ZMAT4: variants seen among roughly 807,000 people sequenced by gnomAD.
The protein encoded by ZMAT4 is zinc finger matrin-type protein 4.
Under a neutral mutation model 28.7 loss-of-function variants are expected in ZMAT4, and 17 were observed. That is an observed-to-expected ratio of 0.59 (90% CI 0.41 to 0.89). The LOEUF (loss-of-function observed/expected upper bound fraction) is 0.89. ZMAT4 is among the 40% of genes least tolerant of loss of function. The pLI, the probability that ZMAT4 is intolerant of heterozygous loss-of-function variation, is 0.00. For missense variants in ZMAT4, 240 were observed against 283.8 expected (o/e 0.85, Z 1.11); for synonymous variants, 117 against 109.2 (o/e 1.07, Z -0.44).
Position 40,747,134 on chromosome 8 carries a change from A to G in ZMAT4, c.192+20507T>C, listed in dbSNP as rs572341845. Among the ~76,000 whole-genome samples the G allele has an allele frequency of 3.3e-5, 5 of 152,346 alleles. No individual in the cohort carries two copies. In the East Asian group the frequency reaches 9.6e-4, roughly 29 times the overall value. On this transcript the variant is annotated intron_variant, in intron 3 of 6. Coordinates refer to ENST00000297737, the MANE Select transcript of ZMAT4 (RefSeq NM_024645.3). ...AAACTTGGATTAATGGTTTATAAAA[A>G]TGGATAATGATTTCATGATAAAATA...
chr8:40,574,841 C>T (rs1804209554), intron 6 of ZMAT4, among the ~76,000 whole-genome samples: 1 of 152,214 alleles, frequency 6.6e-6, no homozygotes, highest in African/African-American at 2.4e-5. Flanking sequence ...TCCCAAAGTC[C>T]TCACAAGTCC....
chr8:40,713,479 A>G (rs1315236283), intron 3 of ZMAT4, among the ~76,000 whole-genome samples: 1 of 152,230 alleles, frequency 6.6e-6, no homozygotes, highest in Non-Finnish European at 1.5e-5. Flanking sequence ...TTAAAAGCAA[A>G]TGGCAAAAAA....
At chr8:40,534,664 G>C (rs1485869408) in intron 6 of ZMAT4, among the ~76,000 whole-genome samples, 1 of 145,690 alleles carries the variant, frequency 6.9e-6, no homozygotes, top group Non-Finnish European at 1.5e-5. Flanking sequence ...TTTCACATTT[G>C]CACATTTGCT....
At chr8:40,848,398 C>G (rs1189160458) in intron 1 of ZMAT4, among the ~76,000 whole-genome samples, 1 of 152,116 alleles carries the variant, frequency 6.6e-6, no homozygotes, top group Non-Finnish European at 1.5e-5. Flanking sequence ...AGGATTCTAC[C>G]AACACCATCA....
intron 5 of ZMAT4, among the ~76,000 whole-genome samples, chr8:40,602,641 CAT>C (rs1805438556): frequency 6.6e-6 from 1 of 152,050 alleles, no homozygotes; most frequent in African/African-American, 2.4e-5. Flanking sequence ...GAGCATTTTT[CAT>C]ATGTTTTTTG....
intron 5 of ZMAT4, among the ~76,000 whole-genome samples, chr8:40,586,167 G>T (rs1037880507): frequency 3.3e-5 from 5 of 152,168 alleles, no homozygotes; most frequent in Non-Finnish European, 7.3e-5. Flanking sequence ...AGTGTCCTTG[G>T]TGGGAACTGT....
At position 40,544,070 on chromosome 8, in the gene ZMAT4, C is replaced by T. The variant is rs527488840; in HGVS notation, c.675-11832G>A. ...GAAGGGGATGCCACAGGGAGGTGCA[C>T]ATGTGTGGGAGGGGCCAACTGAGTC... On this transcript the variant is annotated intron_variant, in intron 6 of 6. Coordinates refer to ENST00000297737, the MANE Select transcript of ZMAT4 (RefSeq NM_024645.3). Among the ~76,000 whole-genome samples, 4 of 152,212 alleles carry T rather than the reference C, an allele frequency of 2.6e-5. No individual in the cohort carries two copies. The East Asian group carries it at 5.8e-4, about 22-fold the overall frequency.
intron 5 of ZMAT4, among the ~76,000 whole-genome samples, chr8:40,607,459 C>A (rs574560265): frequency 6.6e-6 from 1 of 151,936 alleles, no homozygotes; most frequent in African/African-American, 2.4e-5. Context: ...AAAATTATTT[C>A]TTTGAGTTGG....
intron 3 of ZMAT4, among the ~76,000 whole-genome samples, chr8:40,721,067 C>T (rs1212161485): frequency 6.7e-6 from 1 of 148,902 alleles, no homozygotes. Flanking sequence ...CATGCTGGTG[C>T]ACTGCACCCA....
chr8:40,739,486 G>T (rs1343783807), intron 3 of ZMAT4, among the ~76,000 whole-genome samples: 1 of 152,066 alleles, frequency 6.6e-6, no homozygotes, highest in African/African-American at 2.4e-5. Context: ...CTTGATTCTG[G>T]AAATTCTTTA....
chr8:40,674,880 A>G lies in ZMAT4; in HGVS notation c.401T>C (p.Val134Ala). ...ATCTCTTCTTTGATAGGGAGATGCG[A>G]CCACCGGAGCAGTGTCCATCCGTGG... ...KPPRMDTAPV[V>A]ASPYQRRDSD... The change falls in exon 5 of 7, where the codon GTC (valine) becomes GCC (alanine). Residue 134 changes from valine (V) to alanine (A), a missense_variant. Transcript: ENST00000297737. 1 of 1,613,284 alleles carries G rather than the reference A, an allele frequency of 6.2e-7. No homozygotes were observed. Among genetic ancestry groups the G allele is most frequent in the Non-Finnish European group, 8.5e-7 (1 of 1,179,888 alleles).
intron 5 of ZMAT4, among the ~76,000 whole-genome samples, chr8:40,655,171 A>G (rs1035936441): frequency 6.6e-6 from 1 of 152,124 alleles, no homozygotes; most frequent in Non-Finnish European, 1.5e-5. Flanking sequence ...ATTTCTACAT[A>G]TTTACAATGA....
chr8:40,645,795 T>G (rs1263442624), intron 5 of ZMAT4, among the ~76,000 whole-genome samples: 1 of 152,112 alleles, frequency 6.6e-6, no homozygotes, highest in Non-Finnish European at 1.5e-5. Flanking sequence ...ACCAAAATTA[T>G]CTTTGAATAA....
At chr8:40,690,576 C>A (rs1010896516) in intron 4 of ZMAT4, among the ~76,000 whole-genome samples, 14 of 152,214 alleles carry the variant, frequency 9.2e-5, no homozygotes, top group African/African-American at 2.9e-4. Context: ...GCCACACAAA[C>A]CAAATAACCT....
At chr8:40,813,719 G>A (rs1815419828) in intron 2 of ZMAT4, among the ~76,000 whole-genome samples, 1 of 152,212 alleles carries the variant, frequency 6.6e-6, no homozygotes, top group Non-Finnish European at 1.5e-5. Flanking sequence ...TCCAGAAGAC[G>A]TATTGACAAG....
intron 6 of ZMAT4, among the ~76,000 whole-genome samples, chr8:40,533,049 A>G (rs557705950): frequency 1.3e-5 from 2 of 152,194 alleles, no homozygotes; most frequent in South Asian, 4.1e-4. Context: ...ATTGAGAGCC[A>G]ATTTTTGAAG....
intron 1 of ZMAT4, among the ~76,000 whole-genome samples, chr8:40,896,685 G>T: frequency 6.6e-6 from 1 of 152,190 alleles, no homozygotes; most frequent in East Asian, 1.9e-4. Flanking sequence ...TCGCGATTTA[G>T]AATGCTCAAG....
intron 3 of ZMAT4, among the ~76,000 whole-genome samples, chr8:40,737,756 G>A (rs905865488): frequency 2.6e-5 from 4 of 151,956 alleles, no homozygotes; most frequent in African/African-American, 9.7e-5. Flanking sequence ...AAAATATCAG[G>A]TCTGAATTTT....
At chr8:40,816,960 AC>A (rs1815565714) in intron 2 of ZMAT4, among the ~76,000 whole-genome samples, 1 of 152,176 alleles carries the variant, frequency 6.6e-6, no homozygotes, top group South Asian at 2.1e-4. Context: ...AGTGTTGGAG[AC>A]CCAGGGAAAC....
Sources: gnomAD v4.1 joint callset for allele counts (sites outside exome capture counted in the v4.1 genomes callset) on GRCh38, gnomAD v4.1.1 for gene constraint, MANE v1.5 for transcripts, NCBI Gene and HGNC (gene_info 2026-07-23, HGNC 2026-07-21) for gene names.